The following PDCD4 variants were observed in gnomAD, a reference collection of about 807,000 sequenced individuals.
The protein encoded by PDCD4 is programmed cell death protein 4.
PDCD4 carries 56 observed loss-of-function variants against 54.0 expected under a neutral mutation model. The ratio of observed to expected loss-of-function variants is 1.04; its 90% confidence interval spans 0.84 to 1.30. PDCD4 has a LOEUF of 1.30. Ranked by LOEUF, PDCD4 falls within the 50% of genes most tolerant of loss-of-function variation. PDCD4 has a pLI of 0.00. For synonymous variants in PDCD4, 186 were observed against 194.8 expected (o/e 0.95, Z 0.37); for missense variants, 584 against 559.8 (o/e 1.04, Z -0.44).
intron 2 of PDCD4, among the ~76,000 whole-genome samples, chr10:110,877,782 T>C (rs570748598): frequency 2.0e-5 from 3 of 152,338 alleles, no homozygotes; most frequent in South Asian, 4.1e-4. Context: ...AGTCACACTC[T>C]TACTCTTTTA....
intron 5 of PDCD4, among the ~76,000 whole-genome samples, chr10:110,886,016 A>G (rs770561192): frequency 2.6e-5 from 4 of 152,112 alleles, no homozygotes; most frequent in Middle Eastern, 3.2e-3. Context: ...GACTTTTATG[A>G]TTTGTCTGAT....
At position 110,887,950 on chromosome 10, in the gene PDCD4, T is replaced by C. The variant is rs1845694960; in HGVS notation, c.777+64T>C. ...ACTATATTCCTAATTGTGGAAATAATGTATACTCCTAGGAAATTTTAGTAG... is the reference window on the plus strand; with the variant it reads ...ACTATATTCCTAATTGTGGAAATAACGTATACTCCTAGGAAATTTTAGTAG... On this transcript the variant is annotated intron_variant, in intron 6 of 11. Transcript: ENST00000280154. The C allele has an allele frequency of 5.5e-6, 6 of 1,099,730 alleles. No homozygotes were observed. In the East Asian group the frequency reaches 1.2e-4, roughly 22 times the overall value. The allele number at this position is 1,099,730 out of a possible 1,614,324, so 68.1% of individuals were successfully genotyped here. A position where few individuals can be genotyped will look rare whatever the true frequency, so the allele number is the denominator to read the frequency against.
At chr10:110,875,146 C>T (rs1293286321) in intron 1 of PDCD4, among the ~76,000 whole-genome samples, 1 of 152,020 alleles carries the variant, frequency 6.6e-6, no homozygotes, top group Non-Finnish European at 1.5e-5. Flanking sequence ...TTTGATATTT[C>T]TTTCATATAA....
chr10:110,876,132 C>CA (rs1207143647), intron 2 of PDCD4, 62 bp downstream of exon 2: 11 of 1,409,984 alleles, frequency 7.8e-6, no homozygotes, highest in Non-Finnish European at 8.9e-6. Context: ...TGCTCTGTCA[C>CA]CCAGGCTGGA....
intron 10 of PDCD4, among the ~76,000 whole-genome samples, chr10:110,894,802 T>C (rs978652846): frequency 1.3e-5 from 2 of 151,840 alleles, no homozygotes; most frequent in African/African-American, 4.8e-5. Context: ...TGTGACAATT[T>C]CTATTTTATA....
At chr10:110,872,905 C>T (rs1158293363) in intron 1 of PDCD4, among the ~76,000 whole-genome samples, 1 of 152,176 alleles carries the variant, frequency 6.6e-6, no homozygotes, top group African/African-American at 2.4e-5. Flanking sequence ...CCCCCCTCCC[C>T]CTTGTGAGAA....
intron 1 of PDCD4, among the ~76,000 whole-genome samples, chr10:110,874,307 C>G (rs11195361): frequency 0.047 from 7,165 of 152,216 alleles, 175 homozygotes; most frequent in Middle Eastern, 0.085. Flanking sequence ...AAAGTATTCT[C>G]TCAAAAGTTA....
At chr10:110,876,145 G>A in intron 2 of PDCD4, 75 bp downstream of exon 2, 2 of 1,219,338 alleles carry the variant, frequency 1.6e-6, no homozygotes, top group Non-Finnish European at 1.2e-6. Flanking sequence ...AGGCTGGAGT[G>A]CAGTGGTGTG....
chr10:110,885,247 T>A lies in PDCD4; in HGVS notation c.442-6T>A. ...TTATAACTCTTACTCCCTTTTCCCC[T>A]CAAAGGAGAACTGTGTTTATGAAAC... On this transcript the variant is annotated splice_region_variant and splice_polypyrimidine_tract_variant and intron_variant, in intron 4 of 11. Transcript: ENST00000280154. 7.1e-7 allele frequency: 1 copy of A among 1,406,336 alleles called. No homozygotes were observed. The highest frequency in any genetic ancestry group is 1.0e-6 in the Non-Finnish European group (1 of 1,002,262). 87.1% of individuals were successfully genotyped at this position (1,406,336 alleles called of 1,614,324 possible).
In PDCD4 at chr10:110,898,353, A is replaced by G; in HGVS notation, c.*265A>G. ...TAATAAGCTACCTTTTGTAAGTGCC[A>G]TGTTTATTATCTAATCATTCCAAGT... is the stretch of plus-strand genomic sequence containing the variant. On this transcript the variant is annotated 3_prime_UTR_variant, in exon 12 of 12. Coordinates refer to ENST00000280154, the MANE Select transcript of PDCD4 (RefSeq NM_014456.5). 1 of 273,230 alleles carries G rather than the reference A, an allele frequency of 3.7e-6. No homozygotes were observed. The highest frequency in any genetic ancestry group is 6.8e-6 in the Non-Finnish European group (1 of 148,130). The allele number at this position is 273,230 out of a possible 1,614,324, so 16.9% of individuals were successfully genotyped here.
Position 110,889,592 on chromosome 10 carries a change from T to C in PDCD4, c.837T>C (p.Ile279=). The C allele has an allele frequency of 6.2e-7, 1 of 1,606,884 alleles. No homozygotes were observed. Among genetic ancestry groups the C allele is most frequent in the South Asian group, 1.1e-5 (1 of 90,840 alleles). The change falls in exon 7 of 12, where the codon ATT becomes ATC. Residue 279 remains isoleucine (I), a synonymous_variant. Transcript: ENST00000280154. The stretch of plus-strand genomic sequence containing the variant: ...ATGGAATTTTATGTAATACCTATAT[T>C]GATAGTTACAAAGGAACTGTAGATT... The part of the protein sequence containing the change: ...VGDGILCNTY[I]DSYKGTVDCV...
Position 110,894,150 on chromosome 10 carries a change from C to T in PDCD4, c.1050C>T (p.Cys350=). The stretch of plus-strand genomic sequence containing the variant: ...GAGACATATCTGAAGCTGAACATTG[C>T]CTTAAGGAACTGGAAGTACCTCATT... ...LSGDISEAEH[C]LKELEVPHFH... The change falls in exon 9 of 12, where the codon TGC becomes TGT. Residue 350 remains cysteine (C), a synonymous_variant. Transcript: ENST00000280154. The T allele has an allele frequency of 6.2e-6, 10 of 1,608,654 alleles. No individual in the cohort carries two copies. Among genetic ancestry groups the T allele is most frequent in the Non-Finnish European group, 8.5e-6 (10 of 1,175,336 alleles).
At chr10:110,887,400 A>G (rs1363323675) in intron 5 of PDCD4, among the ~76,000 whole-genome samples, 1 of 152,144 alleles carries the variant, frequency 6.6e-6, no homozygotes, top group Non-Finnish European at 1.5e-5. Context: ...GTGACCCATG[A>G]CAGTATTTTA....
Position 110,895,989 on chromosome 10 carries a change from G to T in PDCD4, c.1251G>T (p.Leu417=). The T allele has an allele frequency of 6.2e-7, 1 of 1,603,082 alleles. No homozygotes were observed. Among genetic ancestry groups the T allele is most frequent in the East Asian group, 2.2e-5 (1 of 44,556 alleles). The change falls in exon 11 of 12, where the codon CTG becomes CTT. Residue 417 remains leucine, a synonymous_variant. Coordinates refer to ENST00000280154, the MANE Select transcript of PDCD4 (RefSeq NM_014456.5). ...RIYNEIPDIN[L]DVPHSYSVLE... The stretch of plus-strand genomic sequence containing the variant: ...ACAATGAAATTCCGGACATTAATCT[G>T]GATGTCCCACATTCATACTCTGTGC...
chr10:110,876,115 AG>A, intron 2 of PDCD4, 45 bp downstream of exon 2: 1 of 1,511,080 alleles, frequency 6.6e-7, no homozygotes, highest in Non-Finnish European at 9.2e-7. Context: ...GTTTTGAGAC[AG>A]GATCTTGCTC....
chr10:110,875,844 G>T, intron 1 of PDCD4, 122 bp from the exon 2 acceptor site: 1 of 441,348 alleles, frequency 2.3e-6, no homozygotes. Flanking sequence ...TTTATTTAAT[G>T]GAATTGTGTG....
intron 2 of PDCD4, among the ~76,000 whole-genome samples, 198 bp downstream of exon 2, chr10:110,876,268 AT>A (rs1406230504): frequency 6.6e-6 from 1 of 152,008 alleles, no homozygotes; most frequent in Non-Finnish European, 1.5e-5. Flanking sequence ...CTAATTTTTT[AT>A]TTTTTGTAGA....
chr10:110,888,479 C>G (rs2051932132), intron 6 of PDCD4, among the ~76,000 whole-genome samples: 2 of 151,842 alleles, frequency 1.3e-5, no homozygotes, highest in South Asian at 2.1e-4. Context: ...CCTTTTATAC[C>G]AATACACATA....
Position 110,881,422 on chromosome 10 carries a change from G to A in PDCD4, c.233G>A (p.Ser78Asn). 2 of 1,614,220 alleles carry A rather than the reference G, an allele frequency of 1.2e-6. No homozygotes were observed. Among genetic ancestry groups the A allele is most frequent in the Non-Finnish European group, 8.5e-7 (1 of 1,180,042 alleles). The change falls in exon 3 of 12, where the codon AGC becomes AAC. Residue 78 changes from serine to asparagine, a missense_variant. Coordinates refer to ENST00000280154, the MANE Select transcript of PDCD4 (RefSeq NM_014456.5). ...SRDSGRGDSV[S>N]DSGSDALRSG... is the part of the protein sequence containing the mutation. Reference sequence around the variant, plus strand: ...GACTCTGGCAGAGGCGATTCGGTCAGCGACAGTGGGAGTGACGCCCTTAGA... The same window carrying A: ...GACTCTGGCAGAGGCGATTCGGTCAACGACAGTGGGAGTGACGCCCTTAGA...
Sources: allele counts gnomAD v4.1 joint callset (sites outside exome capture counted in the v4.1 genomes callset), GRCh38; gene constraint gnomAD v4.1.1; transcripts MANE v1.5; gene names NCBI Gene and HGNC (gene_info 2026-07-23, HGNC 2026-07-21).